GSTZ1: variants seen among roughly 807,000 people sequenced by gnomAD.
GSTZ1 encodes maleylacetoacetate isomerase.
In GSTZ1, 34 loss-of-function variants were observed where a neutral mutation model predicts 35.9. The ratio of observed to expected loss-of-function variants is 0.95; its 90% CI spans 0.72 to 1.26. The LOEUF (loss-of-function observed/expected upper bound fraction) is 1.26. GSTZ1 is among the 50% of genes most tolerant of loss of function. The pLI, the probability that GSTZ1 is intolerant of heterozygous loss-of-function variation, is 0.00. For missense variants in GSTZ1, 263 were observed against 271.7 expected (o/e 0.97, Z 0.23); for synonymous variants, 93 against 101.2 (o/e 0.92, Z 0.49).
rs751304743 is a variant in GSTZ1 at position 77,328,024 on chromosome 14, T to C, written c.329T>C (p.Ile110Thr). ...RMISDLIAGG[I>T]QPLQNLSVLK... ...ATTTCTGACCTCATCGCTGGTGGCA[T>C]CCAGCCCCTGCAGGTGTGGCACTTG... The change falls in exon 5 of 9, where the codon ATC becomes ACC. Residue 110 changes from isoleucine to threonine, a missense_variant. Ile to Thr is a moderately conservative substitution (Grantham distance 89, BLOSUM62 -1). Transcript: ENST00000216465. The C allele has an allele frequency of 6.2e-7, 1 of 1,613,920 alleles. No homozygotes were observed. Among genetic ancestry groups the C allele is most frequent in the Non-Finnish European group, 8.5e-7 (1 of 1,179,904 alleles).
intron 4 of GSTZ1, 65 bp downstream of exon 4, chr14:77,327,617 C>T (rs1322188496): frequency 9.3e-7 from 1 of 1,069,668 alleles, no homozygotes; most frequent in East Asian, 2.5e-5. Context: ...CGCCTGACAT[C>T]TCTTCCTCGC....
At chr14:77,331,000 C>G (rs1594830406) in intron 8 of GSTZ1, 69 bp from the exon 9 acceptor site, 10 of 1,499,032 alleles carry the variant, frequency 6.7e-6, no homozygotes, top group South Asian at 2.4e-5. Flanking sequence ...CTCTGCTCCC[C>G]CTGCTGCATC....
At chr14:77,325,092 C>A in intron 2 of GSTZ1, 171 bp downstream of exon 2, 1 of 639,776 alleles carries the variant, frequency 1.6e-6, no homozygotes, top group Non-Finnish European at 2.9e-6. Flanking sequence ...ATGGCATCTC[C>A]ACCCCGGAAA....
chr14:77,331,214 T>C lies in GSTZ1; in HGVS notation c.*19T>C, dbSNP rs1319742191. 1 of 1,607,818 alleles carries C rather than the reference T, an allele frequency of 6.2e-7. No homozygotes were observed. Among genetic ancestry groups the C allele is most frequent in the African/African-American group, 1.3e-5 (1 of 74,814 alleles). ...GGCCTAGCTCCCAAATCCTGCCCCG[T>C]TGGCACAGGGCCACAGGAGCAGAAG... On this transcript the variant is annotated 3_prime_UTR_variant, in exon 9 of 9. Transcript: ENST00000216465.
chr14:77,328,075 CA>C (rs1175428053), intron 5 of GSTZ1, 38 bp downstream of exon 5: 2 of 1,607,248 alleles, frequency 1.2e-6, no homozygotes, highest in South Asian at 2.2e-5. Context: ...GCACACCTGA[CA>C]CACTCTTACA....
chr14:77,321,449 C>G (rs1891965851), intron 1 of GSTZ1: 1 of 1,519,312 alleles, frequency 6.6e-7, no homozygotes, highest in Admixed American at 2.0e-5. Flanking sequence ...CACTTCTGCT[C>G]CGCCCTCCCT....
intron 3 of GSTZ1, chr14:77,327,257 G>A: frequency 1.7e-6 from 1 of 605,102 alleles, no homozygotes; most frequent in Non-Finnish European, 3.0e-6. Flanking sequence ...AAAGCCCATA[G>A]CCAGGCTGTT....
chr14:77,322,231 C>T (rs1027598092), intron 1 of GSTZ1, among the ~76,000 whole-genome samples: 9 of 152,154 alleles, frequency 5.9e-5, no homozygotes, highest in African/African-American at 2.2e-4. Context: ...CTAAAGTAAT[C>T]AGAATGCATA....
intron 7 of GSTZ1, chr14:77,330,090 AGTTGGTT>A: frequency 1.4e-6 from 1 of 692,394 alleles, no homozygotes; most frequent in Non-Finnish European, 2.7e-6. Context: ...CAACCCACAG[AGTTGGTT>A]GTCAGGGCAA....
intron 7 of GSTZ1, 61 bp from the exon 8 acceptor site, chr14:77,330,249 C>A: frequency 1.7e-6 from 2 of 1,164,680 alleles, no homozygotes; most frequent in Non-Finnish European, 2.6e-6. Context: ...TGGACACACC[C>A]AGTCCAGCCA....
chr14:77,329,049 C>T (rs903632314), intron 5 of GSTZ1, 74 bp from the exon 6 acceptor site: 12 of 1,051,590 alleles, frequency 1.1e-5, no homozygotes, highest in Non-Finnish European at 1.8e-5. Flanking sequence ...GTGAACTTCC[C>T]TGAGGGGGTT....
intron 1 of GSTZ1, 33 bp from the exon 2 acceptor site, chr14:77,324,837 G>A (rs755202474): frequency 6.2e-7 from 1 of 1,610,082 alleles, no homozygotes; most frequent in Non-Finnish European, 8.5e-7. Context: ...CCCAGCATGG[G>A]TTAACACGCG....
In GSTZ1 at chr14:77,321,048, C is replaced by T; in HGVS notation, c.-121C>T. ...CGGAAGGATCTTTCTAGTCCAGCCC[C>T]TCGCTTTACCCGGACGAAAGACACG... On this transcript the variant is annotated 5_prime_UTR_variant, in exon 1 of 9. Coordinates refer to ENST00000216465, the MANE Select transcript of GSTZ1 (RefSeq NM_145870.3). 1 of 1,130,112 alleles carries T rather than the reference C, an allele frequency of 8.8e-7. No homozygotes were observed. The highest frequency in any genetic ancestry group is 1.2e-6 in the Non-Finnish European group (1 of 818,884). The allele number at this position is 1,130,112 out of a possible 1,614,324, so 70.0% of individuals were successfully genotyped here.
intron 1 of GSTZ1, chr14:77,324,419 T>C: frequency 1.6e-6 from 1 of 639,162 alleles, no homozygotes; most frequent in Admixed American, 2.3e-5. Context: ...GTGCTGGGAT[T>C]ACAGGCGTGA....
In GSTZ1 at chr14:77,327,509, A is replaced by G. The variant is rs1370422661; in HGVS notation, c.173A>G (p.Gln58Arg). Residue 58 changes from glutamine (Q) to arginine (R), a missense_variant, in exon 4 of 9, where the codon CAG becomes CGG. Physicochemically the swap from Gln to Arg is conservative, Grantham distance 43. Coordinates refer to ENST00000216465, the MANE Select transcript of GSTZ1 (RefSeq NM_145870.3). ...KDFQALNPMKQVPTLKIDGIT... is the reference protein window; with the variant it reads ...KDFQALNPMKRVPTLKIDGIT... Reference sequence around the variant, plus strand: ...TTCCAGGCACTGAATCCTATGAAGCAGGTGCCAACCCTGAAGATTGATGGA... The same window carrying G: ...TTCCAGGCACTGAATCCTATGAAGCGGGTGCCAACCCTGAAGATTGATGGA... 9 of 1,609,126 alleles carry G rather than the reference A, an allele frequency of 5.6e-6. No homozygotes were observed.
chr14:77,325,793 A>C (rs1002218766), intron 2 of GSTZ1: 5 of 152,214 alleles, frequency 3.3e-5, no homozygotes, highest in Admixed American at 3.3e-4. Context: ...ATCAGTAAGC[A>C]AGAGCACTGG....
At chr14:77,324,598 C>G in intron 1 of GSTZ1, 1 of 1,534,306 alleles carries the variant, frequency 6.5e-7, no homozygotes, top group South Asian at 1.2e-5. Flanking sequence ...AGGGTCACCA[C>G]GATACCATGA....
Position 77,326,885 on chromosome 14 carries a change from A to G in GSTZ1, c.115A>G (p.Ile39Val). 2.5e-6 allele frequency: 4 copies of G among 1,603,838 alleles called. No homozygotes were observed. The highest frequency in any genetic ancestry group is 3.4e-6 in the Non-Finnish European group (4 of 1,173,424). The change falls in exon 3 of 9, where the codon ATA becomes GTA. Residue 39 changes from isoleucine to valine, a missense_variant. Ile to Val is a conservative substitution (Grantham distance 29). Transcript: ENST00000216465. Reference protein sequence around the residue: ...IDYETVPINLIKDGGQQFSKD... With the variant: ...IDYETVPINLVKDGGQQFSKD... ...CTACGAGACGGTGCCCATCAATCTCATAAAGGATGGGGGCCAACAGGTAAG... is the reference window on the plus strand; with the variant it reads ...CTACGAGACGGTGCCCATCAATCTCGTAAAGGATGGGGGCCAACAGGTAAG...
At position 77,331,195 on chromosome 14, in the gene GSTZ1, G is replaced by C. The variant is rs749894308; in HGVS notation, c.651G>C (p.Ter217TyrextTer19). Residue 217 changes from the stop codon to tyrosine, a stop_lost, in exon 9 of 9, where the codon TAG becomes TAC. Coordinates refer to ENST00000216465, the MANE Select transcript of GSTZ1 (RefSeq NM_145870.3). ...ATACACCCACTGAGCTGAGGGCCTAGCTCCCAAATCCTGCCCCGTTGGCAC... is the reference window on the plus strand; with the variant it reads ...ATACACCCACTGAGCTGAGGGCCTACCTCCCAAATCCTGCCCCGTTGGCAC... ...QPDTPTELRA[*>Y] is the part of the protein sequence containing the mutation. 1.2e-6 allele frequency: 2 copies of C among 1,612,450 alleles called. No homozygotes were observed. The highest frequency in any genetic ancestry group is 1.7e-5 in the Admixed American group (1 of 59,926).
Sources: allele counts gnomAD v4.1 joint callset (sites outside exome capture counted in the v4.1 genomes callset), GRCh38; gene constraint gnomAD v4.1.1; transcripts MANE v1.5; gene names NCBI Gene and HGNC (gene_info 2026-07-23, HGNC 2026-07-21).